GSE1: variants seen among roughly 807,000 people sequenced by gnomAD.
GSE1 encodes genetic suppressor element 1.
GSE1 carries 32 observed loss-of-function variants against 112.6 expected under a neutral mutation model. The observed-to-expected ratio is 0.28, with a 90% CI of 0.21 to 0.38. The LOEUF is 0.38. Ranked by LOEUF, GSE1 falls within the 10% of genes least tolerant of loss-of-function variation. The probability of loss-of-function intolerance (pLI) is 1.00; values close to 1 mark genes in which losing one functional copy is unlikely to be tolerated. For missense variants in GSE1, 2,348 were observed against 1,699.2 expected, an observed-to-expected ratio of 1.38 and a Z score of -6.71; for synonymous variants, 1,115 against 735.6, an observed-to-expected ratio of 1.52 and a Z score of -8.35.
At chr16:85,467,824 G>C (rs1227805104) in intron 2 of GSE1, among the ~76,000 whole-genome samples, 2 of 152,220 alleles carry the variant, frequency 1.3e-5, no homozygotes, top group African/African-American at 4.8e-5. Flanking sequence ...CCACATACCT[G>C]CTAGGGGTGT....
Position 85,582,359 on chromosome 16 carries a change from C to T in GSE1, c.37+25996C>T, listed in dbSNP as rs191344772. Reference sequence around the variant, plus strand: ...GGAACTCCACTGCAGAAGCTGGCTGCGGTTCATGGGGGATGGGGAAGCCCC... The same window carrying T: ...GGAACTCCACTGCAGAAGCTGGCTGTGGTTCATGGGGGATGGGGAAGCCCC... On this transcript the variant is annotated intron_variant, in intron 1 of 2. Coordinates refer to the GSE1 transcript ENST00000635906. Among the ~76,000 whole-genome samples, 64 of 152,310 alleles carry T rather than the reference C, an allele frequency of 4.2e-4. No homozygotes were observed. In the East Asian group the frequency reaches 0.012, roughly 28 times the overall value.
chr16:85,441,754 G>C (rs2049381288), intron 2 of GSE1, among the ~76,000 whole-genome samples: 2 of 152,234 alleles, frequency 1.3e-5, no homozygotes, highest in Non-Finnish European at 2.9e-5. Context: ...GGAAGGATCA[G>C]AGAAAGACAC....
intron 15 of GSE1, 198 bp from the exon 16 acceptor site, chr16:85,672,207 C>G (rs1294468506): frequency 3.4e-6 from 2 of 586,732 alleles, no homozygotes; most frequent in South Asian, 1.8e-5. Context: ...GTTGGCCAGG[C>G]TGGTCTCGAA....
At chr16:85,321,242 C>T (rs1055732208) in intron 1 of GSE1, among the ~76,000 whole-genome samples, 23 of 152,110 alleles carry the variant, frequency 1.5e-4, no homozygotes, top group Admixed American at 1.5e-3. Context: ...CTCAAGTGTG[C>T]AGGCTTGTGG....
At position 85,654,391 on chromosome 16, in the gene GSE1, C is replaced by A. The variant is rs758685041; in HGVS notation, c.540C>A (p.Pro180=). 2 of 1,608,632 alleles carry A rather than the reference C, an allele frequency of 1.2e-6. No homozygotes were observed. Among genetic ancestry groups the A allele is most frequent in the South Asian group, 2.2e-5 (2 of 90,606 alleles). Reference sequence around the variant, plus strand: ...TCCCCTCGCACCTGCTCAGCACCCCCTACCCCTTCGGCCTCTCCCCCAGCT... The same window carrying A: ...TCCCCTCGCACCTGCTCAGCACCCCATACCCCTTCGGCCTCTCCCCCAGCT... ...PAIPSHLLST[P]YPFGLSPSSV... The change falls in exon 4 of 16, where the codon CCC becomes CCA. Residue 180 remains proline (P), a synonymous_variant. Transcript: ENST00000253458.
intron 1 of GSE1, among the ~76,000 whole-genome samples, chr16:85,321,715 G>A (rs1447246224): frequency 6.6e-6 from 1 of 151,854 alleles, no homozygotes; most frequent in Non-Finnish European, 1.5e-5. Context: ...TTGGGTGGCT[G>A]AGGCAGGGGG....
intron 2 of GSE1, among the ~76,000 whole-genome samples, chr16:85,400,190 T>G (rs2151668055): frequency 6.6e-6 from 1 of 152,192 alleles, no homozygotes; most frequent in Admixed American, 6.5e-5. Flanking sequence ...CCACAGGCCC[T>G]CCCCTCCCTG....
chr16:85,523,647 G>C (rs1407624785), intron 2 of GSE1, among the ~76,000 whole-genome samples: 1 of 152,218 alleles, frequency 6.6e-6, no homozygotes, highest in African/African-American at 2.4e-5. Flanking sequence ...GGACAGAGGG[G>C]GTCCCTCCTC....
chr16:85,293,000 T>C (rs1367900806), intron 1 of GSE1, among the ~76,000 whole-genome samples: 1 of 152,170 alleles, frequency 6.6e-6, no homozygotes, highest in Non-Finnish European at 1.5e-5. Context: ...AGTGTCCGTT[T>C]TGAAGAGTTT....
intron 1 of GSE1, among the ~76,000 whole-genome samples, chr16:85,237,279 C>T (rs1453655881): frequency 6.6e-6 from 1 of 151,848 alleles, no homozygotes; most frequent in African/African-American, 2.4e-5. Flanking sequence ...GCTGAGATCG[C>T]GCCACTGCAC....
At chr16:85,621,923 A>T (rs1038613745) in intron 1 of GSE1, among the ~76,000 whole-genome samples, 1 of 152,094 alleles carries the variant, frequency 6.6e-6, no homozygotes. Flanking sequence ...AGCCTGGACT[A>T]CTTCTCATGG....
chr16:85,469,562 CT>C (rs1597851177), intron 2 of GSE1, among the ~76,000 whole-genome samples: 1 of 152,330 alleles, frequency 6.6e-6, no homozygotes, highest in East Asian at 1.9e-4. Context: ...CGGGCATCAC[CT>C]TTTCCCCACC....
chr16:85,269,433 T>C (rs1945615798), intron 1 of GSE1, among the ~76,000 whole-genome samples: 1 of 123,684 alleles, frequency 8.1e-6, no homozygotes, highest in African/African-American at 4.2e-5. Flanking sequence ...TTAGCATGAG[T>C]GTGTGGGTGT....
intron 1 of GSE1, among the ~76,000 whole-genome samples, chr16:85,602,642 G>A (rs1421835611): frequency 6.6e-6 from 1 of 152,198 alleles, no homozygotes; most frequent in Non-Finnish European, 1.5e-5. Flanking sequence ...GGCCTGAGGT[G>A]TAGGTGTCCT....
intron 1 of GSE1, among the ~76,000 whole-genome samples, chr16:85,587,265 G>A (rs2046750295): frequency 6.6e-6 from 1 of 152,148 alleles, no homozygotes; most frequent in South Asian, 2.1e-4. Flanking sequence ...GGGGGAAACG[G>A]CGATGTGGAG....
At position 85,199,288 on chromosome 16, in the gene GSE1, G is replaced by A. The variant is rs140029385; in HGVS notation, c.2283+27481G>A. Among the ~76,000 whole-genome samples, 1,083 of 152,070 alleles carry A rather than the reference G, an allele frequency of 7.1e-3. 13 individuals are homozygous for A. The highest frequency in any genetic ancestry group is 0.021 in the African/African-American group (868 of 41,486). On this transcript the variant is annotated intron_variant, in intron 1 of 2. Transcript: ENST00000637419. ...TTTTATAGAGATGGGGTTTCACTAT[G>A]TTGTCCAGGCTGGCTTCAAACTCCT...
At position 85,359,361 on chromosome 16, in the gene GSE1, C is replaced by T. The variant is rs147019304; in HGVS notation, c.2464+1718C>T. On this transcript the variant is annotated intron_variant, in intron 2 of 2. Coordinates refer to the GSE1 transcript ENST00000637419. ...CCACAGCTTTGGGCAGAGCCCTGCC[C>T]CAGGAAACCAGAGTCCTCCGGAGCA... 252 of 455,962 alleles carry T rather than the reference C, an allele frequency of 5.5e-4. 2 individuals carry two copies. The East Asian group carries it at 0.012, about 21-fold the overall frequency. 28.2% of individuals were successfully genotyped at this position (455,962 alleles called of 1,614,324 possible).
In GSE1 at chr16:85,655,888, G is replaced by A. The variant is rs59732374; in HGVS notation, c.960G>A (p.Ser320=). ...LSHSSLAALH[S]ERMSGLSAER... ...ACTCATCCCTGGCAGCGCTGCACTC[G>A]GAGCGCATGTCTGGCCTCAGCGCGG... Residue 320 remains serine, a synonymous_variant, in exon 6 of 16, where the codon TCG becomes TCA. Transcript: ENST00000253458. 5.0e-3 allele frequency: 8,078 copies of A among 1,606,250 alleles called. 366 individuals are homozygous for A. In the African/African-American group the frequency reaches 0.095, roughly 19 times the overall value.
chr16:85,244,642 G>A (rs560781464), intron 1 of GSE1, among the ~76,000 whole-genome samples: 1 of 152,178 alleles, frequency 6.6e-6, no homozygotes, highest in African/African-American at 2.4e-5. Flanking sequence ...TTGAGCCCAG[G>A]AGTTCGAGGC....
Sources: allele counts gnomAD v4.1 joint callset (sites outside exome capture counted in the v4.1 genomes callset), GRCh38; gene constraint gnomAD v4.1.1; transcripts MANE v1.5; gene names NCBI Gene and HGNC (gene_info 2026-07-23, HGNC 2026-07-21).